The following UBE2QL1 variants were observed in gnomAD, a reference collection of about 807,000 sequenced individuals.
The protein encoded by UBE2QL1 is ubiquitin conjugating enzyme E2 QL1, also known as ubiquitin-conjugating enzyme E2Q-like protein 1.
Under a neutral mutation model 12.6 loss-of-function variants are expected in UBE2QL1, and 5 were observed. That is an observed-to-expected ratio of 0.40 (90% CI 0.21 to 0.83). UBE2QL1 has a LOEUF of 0.83. Ranked by LOEUF, UBE2QL1 falls within the 40% of genes least tolerant of loss-of-function variation. The pLI is 0.37. For missense variants in UBE2QL1, 99 were observed against 222.6 expected (o/e 0.44, Z 3.53); for synonymous variants, 96 against 94.5 (o/e 1.02, Z -0.10).
In UBE2QL1 at chr5:6,482,538, T is replaced by C. The variant is rs540628169; in HGVS notation, c.355-8680T>C. ...TTCCCCTGGAAGTTTCCTCCACTCG[T>C]CTGGGCCCCCAGCCCCTTTAGGTAC... On this transcript the variant is annotated intron_variant, in intron 1 of 1. Coordinates refer to ENST00000399816, the MANE Select transcript of UBE2QL1 (RefSeq NM_001145161.3). Among the ~76,000 whole-genome samples the C allele has an allele frequency of 4.0e-4, 61 of 150,726 alleles. 1 individual carries two copies. In the South Asian group the frequency reaches 0.012, roughly 30 times the overall value.
intron 1 of UBE2QL1, among the ~76,000 whole-genome samples, chr5:6,475,084 AT>A (rs1385916461): frequency 1.3e-5 from 2 of 152,214 alleles, no homozygotes; most frequent in African/African-American, 4.8e-5. Flanking sequence ...GCTTGTAAAA[AT>A]CACCGATTGA....
chr5:6,449,208 C>A lies in UBE2QL1; in HGVS notation c.315C>A (p.Ala105=). 6.8e-7 allele frequency: 1 copy of A among 1,470,280 alleles called. No individual in the cohort carries two copies. The highest frequency in any genetic ancestry group is 2.8e-5 in the East Asian group (1 of 35,592). The allele number at this position is 1,470,280 out of a possible 1,614,324, so 91.1% of individuals were successfully genotyped here. A position where few individuals can be genotyped will look rare whatever the true frequency, so the allele number is the denominator to read the frequency against. Residue 105 remains alanine (A), a synonymous_variant, in exon 1 of 2, where the codon GCC becomes GCA. Coordinates refer to ENST00000399816, the MANE Select transcript of UBE2QL1 (RefSeq NM_001145161.3). ...GGTCCAGCGCCTACACCGTGGAGGCCGTCATGCGCCAGTTCGCAGCCAGCC... is the reference window on the plus strand; with the variant it reads ...GGTCCAGCGCCTACACCGTGGAGGCAGTCATGCGCCAGTTCGCAGCCAGCC... The part of the protein sequence containing the change: ...RGWSSAYTVE[A]VMRQFAASLV...
At chr5:6,483,834 G>A (rs775516689) in intron 1 of UBE2QL1, among the ~76,000 whole-genome samples, 9 of 152,108 alleles carry the variant, frequency 5.9e-5, no homozygotes, top group Middle Eastern at 3.4e-3. Context: ...GTGGCCCCTC[G>A]TGCCCCACCA....
At position 6,496,589 on chromosome 5, in the gene UBE2QL1, A is replaced by C. The variant is rs1037151508; in HGVS notation, c.*5240A>C. 6.6e-6 allele frequency among the ~76,000 whole-genome samples: 1 copy of C among 152,238 alleles called. No individual in the cohort carries two copies. The highest frequency in any genetic ancestry group is 1.5e-5 in the Non-Finnish European group (1 of 68,036). The stretch of plus-strand genomic sequence containing the variant: ...AAAAACGCATGTGGCATAAATCAAC[A>C]GGAAAGAAATGTTTACCACTGGAAG... On this transcript the variant is annotated 3_prime_UTR_variant, in exon 2 of 2. Coordinates refer to ENST00000399816, the MANE Select transcript of UBE2QL1 (RefSeq NM_001145161.3).
chr5:6,474,776 G>C (rs527759608), intron 1 of UBE2QL1, among the ~76,000 whole-genome samples: 8 of 152,188 alleles, frequency 5.3e-5, no homozygotes, highest in African/African-American at 1.9e-4. Flanking sequence ...GGAATAATGC[G>C]TGGTGGGGCA....
At chr5:6,473,489 C>CA (rs1436262719) in intron 1 of UBE2QL1, among the ~76,000 whole-genome samples, 2 of 152,228 alleles carry the variant, frequency 1.3e-5, no homozygotes, top group Non-Finnish European at 2.9e-5. Context: ...GCTCACCACC[C>CA]ACTGGCCAGA....
At chr5:6,486,367 G>A (rs192303807) in intron 1 of UBE2QL1, among the ~76,000 whole-genome samples, 1 of 151,602 alleles carries the variant, frequency 6.6e-6, no homozygotes, top group Non-Finnish European at 1.5e-5. Flanking sequence ...TAAATTCCAT[G>A]CCCAAGCCTC....
At chr5:6,464,382 G>T (rs1362839251) in intron 1 of UBE2QL1, among the ~76,000 whole-genome samples, 1 of 152,198 alleles carries the variant, frequency 6.6e-6, no homozygotes, top group African/African-American at 2.4e-5. Flanking sequence ...TGTCTCACAA[G>T]TCGAAAAGGA....
Position 6,491,704 on chromosome 5 carries a change from T to C in UBE2QL1, c.*355T>C, listed in dbSNP as rs1056073073. The C allele has an allele frequency of 6.0e-6, 1 of 166,942 alleles. No homozygotes were observed. Among genetic ancestry groups the C allele is most frequent in the Non-Finnish European group, 1.3e-5 (1 of 77,864 alleles). The allele number at this position is 166,942 out of a possible 1,614,324, so 10.3% of individuals were successfully genotyped here. On this transcript the variant is annotated 3_prime_UTR_variant, in exon 2 of 2. Coordinates refer to ENST00000399816, the MANE Select transcript of UBE2QL1 (RefSeq NM_001145161.3). The stretch of plus-strand genomic sequence containing the variant: ...TCCGACGAGCCGGCAGGAAACTCAA[T>C]GCCCCTGCTGGCTCCATTTCCATGT...
intron 1 of UBE2QL1, among the ~76,000 whole-genome samples, chr5:6,489,509 G>T (rs1358724423): frequency 1.3e-5 from 2 of 152,212 alleles, no homozygotes; most frequent in African/African-American, 4.8e-5. Flanking sequence ...TGAAACCAGA[G>T]GGATATCCAG....
chr5:6,465,679 C>G (rs977179365), intron 1 of UBE2QL1, among the ~76,000 whole-genome samples: 4 of 152,148 alleles, frequency 2.6e-5, no homozygotes, highest in East Asian at 1.9e-4. Context: ...CACAGCTGCT[C>G]TGTGTCCTGG....
Position 6,479,949 on chromosome 5 carries a change from A to G in UBE2QL1, c.355-11269A>G, listed in dbSNP as rs1408343628. On this transcript the variant is annotated intron_variant, in intron 1 of 1. Transcript: ENST00000399816. This position sits in a 1 kb window ranked among gnomAD's most constrained non-coding sequence, Gnocchi z 4.2. ...GATCATCTCGGGGCTTACATAAACC[A>G]TGTGGCAAATGACAGGATGGCTGGC... Among the ~76,000 whole-genome samples the G allele has an allele frequency of 2.0e-5, 3 of 152,200 alleles. No individual in the cohort carries two copies. Among genetic ancestry groups the G allele is most frequent in the African/African-American group, 7.2e-5 (3 of 41,442 alleles).
Position 6,481,831 on chromosome 5 carries a change from A to G in UBE2QL1, c.355-9387A>G, listed in dbSNP as rs1328726703. 2.0e-5 allele frequency among the ~76,000 whole-genome samples: 3 copies of G among 152,204 alleles called. No individual in the cohort carries two copies. Among genetic ancestry groups the G allele is most frequent in the Non-Finnish European group, 2.9e-5 (2 of 68,040 alleles). On this transcript the variant is annotated intron_variant, in intron 1 of 1. Transcript: ENST00000399816. The surrounding 1 kb of genome is among the most constrained non-coding windows in gnomAD (Gnocchi z 4.5). ...CCAAATGACCATCCACAAGGAAAAC[A>G]TGGCCCAATGTGCGCCCACCTGCAG...
At chr5:6,461,543 A>ACCCCCCCCCCCCC (rs71953375) in intron 1 of UBE2QL1, among the ~76,000 whole-genome samples, 10 of 42,212 alleles carry the variant, frequency 2.4e-4, no homozygotes, top group African/African-American at 3.0e-4. Context: ...AGCACCCACC[A>ACCCCCCCCCCCCC]CCCCCCCCCG....
intron 1 of UBE2QL1, among the ~76,000 whole-genome samples, chr5:6,490,987 A>AC (rs202161577): frequency 0.026 from 3,889 of 151,536 alleles, 195 homozygotes; most frequent in African/African-American, 0.089. Context: ...TAAAGACAGC[A>AC]CCCCCCTCCC....
chr5:6,460,785 T>C (rs1302322396), intron 1 of UBE2QL1, among the ~76,000 whole-genome samples: 5 of 152,226 alleles, frequency 3.3e-5, no homozygotes, highest in African/African-American at 1.2e-4. Context: ...ATTTAAAACA[T>C]TTACCTCTGT....
rs1372911391 is a variant in UBE2QL1, at chr5:6,493,477, C to T, written c.*2128C>T. ...GGTTCACGGTGCTCTCTGAGAACTGCACCAAGGGGTGCAGCCAAGAGACTG... is the reference window on the plus strand; with the variant it reads ...GGTTCACGGTGCTCTCTGAGAACTGTACCAAGGGGTGCAGCCAAGAGACTG... On this transcript the variant is annotated 3_prime_UTR_variant, in exon 2 of 2. Transcript: ENST00000399816. 6 of 152,290 alleles carry T rather than the reference C, an allele frequency of 3.9e-5. No homozygotes were observed. The highest frequency in any genetic ancestry group is 3.3e-4 in the Admixed American group (5 of 15,298). 9.4% of individuals were successfully genotyped at this position (152,290 alleles called of 1,614,324 possible). A position where few individuals can be genotyped will look rare whatever the true frequency, so the allele number is the denominator to read the frequency against.
At chr5:6,452,501 T>G (rs1479475309) in intron 1 of UBE2QL1, among the ~76,000 whole-genome samples, 1 of 152,232 alleles carries the variant, frequency 6.6e-6, no homozygotes, top group East Asian at 1.9e-4. Flanking sequence ...ACTTTTAGAA[T>G]GAACTGGTGA....
intron 1 of UBE2QL1, among the ~76,000 whole-genome samples, chr5:6,469,498 TA>T (rs893142907): frequency 4.1e-5 from 6 of 148,008 alleles, no homozygotes; most frequent in South Asian, 4.2e-4. Context: ...ATTATATATA[TA>T]TTTTTTATAT....
Sources: gnomAD v4.1 joint callset for allele counts (sites outside exome capture counted in the v4.1 genomes callset) on GRCh38, gnomAD v4.1.1 for gene constraint, Gnocchi (gnomAD v3.1) non-coding constraint, MANE v1.5 for transcripts, NCBI Gene and HGNC (gene_info 2026-07-23, HGNC 2026-07-21) for gene names.